Variants in ROBO2 observed in about 807,000 individuals in gnomAD.
ROBO2 encodes roundabout guidance receptor 2.
Under a neutral mutation model 160.8 loss-of-function variants are expected in ROBO2, and 53 were observed. That is an observed-to-expected ratio of 0.33 (90% CI 0.26 to 0.41). The LOEUF (loss-of-function observed/expected upper bound fraction) is 0.41. ROBO2 is among the 10% of genes least tolerant of loss of function. ROBO2 has a pLI of 1.00. For missense variants in ROBO2, 1,577 were observed against 1,722.4 expected, an observed-to-expected ratio of 0.92 and a Z score of 1.49; for synonymous variants, 664 against 611.7, an observed-to-expected ratio of 1.09 and a Z score of -1.26.
At chr3:76,237,177 A>C (rs1704996996) in intron 2 of ROBO2, among the ~76,000 whole-genome samples, 1 of 152,138 alleles carries the variant, frequency 6.6e-6, no homozygotes, top group Admixed American at 6.5e-5. Context: ...AAGTAAATGA[A>C]ATTTTCCATA....
At position 76,096,813 on chromosome 3, in the gene ROBO2, A is replaced by G. The variant is rs72894541; in HGVS notation, c.109+159211A>G. Among the ~76,000 whole-genome samples the G allele has an allele frequency of 7.3e-3, 1,115 of 152,300 alleles. 14 individuals carry two copies. Among genetic ancestry groups the G allele is most frequent in the African/African-American group, 0.026 (1,083 of 41,576 alleles). ...TACAACAATGTAACTATGTAACCAC[A>G]ATATTGTAGAGACGAGTTAATGAAC... On this transcript the variant is annotated intron_variant, in intron 2 of 26. Coordinates refer to the ROBO2 transcript ENST00000487694.
At chr3:77,010,165 C>T (rs778312813) in intron 2 of ROBO2, among the ~76,000 whole-genome samples, 1 of 151,912 alleles carries the variant, frequency 6.6e-6, no homozygotes, top group Non-Finnish European at 1.5e-5. Context: ...TTCAGAAACA[C>T]GGAGGATTGC....
intron 2 of ROBO2, among the ~76,000 whole-genome samples, chr3:76,851,741 CAAAA>C (rs71104629): frequency 0.021 from 1,316 of 63,250 alleles, 39 homozygotes; most frequent in African/African-American, 0.076. Context: ...GACTCCGTCT[CAAAA>C]AAAAAAAAAA....
At chr3:76,848,058 C>T (rs1307255337) in intron 2 of ROBO2, among the ~76,000 whole-genome samples, 3 of 152,144 alleles carry the variant, frequency 2.0e-5, no homozygotes, top group Non-Finnish European at 4.4e-5. Context: ...TCATTACTTT[C>T]TCATGCTGTA....
intron 2 of ROBO2, among the ~76,000 whole-genome samples, chr3:76,244,960 GGTTCT>G (rs1264920734): frequency 6.6e-6 from 1 of 152,056 alleles, no homozygotes; most frequent in East Asian, 1.9e-4. Flanking sequence ...ACACAAAATA[GGTTCT>G]GTTTCAACAA....
At chr3:77,000,362 C>A (rs369186145) in intron 2 of ROBO2, among the ~76,000 whole-genome samples, 1 of 152,156 alleles carries the variant, frequency 6.6e-6, no homozygotes, top group East Asian at 1.9e-4. Context: ...CCACACCCTG[C>A]CTCCAGAGCT....
At chr3:76,818,176 A>G (rs949708296) in intron 2 of ROBO2, among the ~76,000 whole-genome samples, 1 of 151,876 alleles carries the variant, frequency 6.6e-6, no homozygotes, top group South Asian at 2.1e-4. Flanking sequence ...TTTTTTGATT[A>G]TGGCCATTCT....
exon 4 of ROBO2, chr3:77,481,213 G>C: frequency 6.5e-7 from 1 of 1,534,934 alleles, no homozygotes. Context: ...AGAGCTGACT[G>C]TCTTTGGTAA....
chr3:77,063,270 G>A (rs1008663074), intron 1 of ROBO2, among the ~76,000 whole-genome samples: 3 of 152,168 alleles, frequency 2.0e-5, no homozygotes, highest in Non-Finnish European at 4.4e-5. Context: ...GGAGAGGAGT[G>A]TACGTGTCTG....
intron 2 of ROBO2, among the ~76,000 whole-genome samples, chr3:76,520,644 G>A (rs1323813021): frequency 6.6e-6 from 1 of 151,976 alleles, no homozygotes; most frequent in Non-Finnish European, 1.5e-5. Context: ...TTTTAGTCCT[G>A]GTCTATACCA....
chr3:76,499,437 TTCA>T (rs2080340316), intron 2 of ROBO2, among the ~76,000 whole-genome samples: 1 of 152,170 alleles, frequency 6.6e-6, no homozygotes, highest in Admixed American at 6.5e-5. Context: ...ACCTCTATTC[TTCA>T]TCATCTGGAG....
chr3:77,178,996 T>A (rs2080428539), intron 2 of ROBO2, among the ~76,000 whole-genome samples: 1 of 152,028 alleles, frequency 6.6e-6, no homozygotes, highest in Non-Finnish European at 1.5e-5. Flanking sequence ...TTTGATGTAT[T>A]TAGTGAATCT....
At chr3:76,476,782 C>T (rs2107219634) in intron 2 of ROBO2, among the ~76,000 whole-genome samples, 1 of 152,172 alleles carries the variant, frequency 6.6e-6, no homozygotes, top group East Asian at 1.9e-4. Context: ...GCCACGTTCC[C>T]ATGGTATCTT....
chr3:76,914,210 A>C (rs2076172924), intron 2 of ROBO2, among the ~76,000 whole-genome samples: 1 of 152,208 alleles, frequency 6.6e-6, no homozygotes, highest in Non-Finnish European at 1.5e-5. Flanking sequence ...CCTCAGTTGC[A>C]TGGAGAGGGT....
At chr3:76,893,934 G>A (rs113700917) in intron 2 of ROBO2, among the ~76,000 whole-genome samples, 2,473 of 151,940 alleles carry the variant, frequency 0.016, 28 homozygotes, top group African/African-American at 0.028. Flanking sequence ...TTTGTCTTTT[G>A]TTTTTATAAA....
intron 2 of ROBO2, among the ~76,000 whole-genome samples, chr3:76,272,734 A>C (rs1208341370): frequency 1.0e-5 from 1 of 100,426 alleles, no homozygotes; most frequent in Non-Finnish European, 1.8e-5. Flanking sequence ...ACATATAAAT[A>C]TATATATTCT....
intron 2 of ROBO2, among the ~76,000 whole-genome samples, chr3:76,363,319 T>C (rs2075631778): frequency 6.6e-6 from 1 of 151,994 alleles, no homozygotes; most frequent in Non-Finnish European, 1.5e-5. Flanking sequence ...TTTTTGCAAT[T>C]CATCAGAAGA....
intron 1 of ROBO2, among the ~76,000 whole-genome samples, chr3:75,933,055 T>C (rs538534691): frequency 6.6e-6 from 1 of 152,166 alleles, no homozygotes; most frequent in Non-Finnish European, 1.5e-5. Flanking sequence ...CCTGTGAGAA[T>C]TTACTAAGGT....
intron 2 of ROBO2, among the ~76,000 whole-genome samples, chr3:76,020,614 C>T (rs1024375751): frequency 6.6e-6 from 1 of 151,766 alleles, no homozygotes; most frequent in African/African-American, 2.4e-5. Context: ...AAAATCAAAT[C>T]ACCTGCTATT....
Sources: allele counts gnomAD v4.1 joint callset (sites outside exome capture counted in the v4.1 genomes callset), GRCh38; gene constraint gnomAD v4.1.1; transcripts MANE v1.5; gene names NCBI Gene and HGNC (gene_info 2026-07-23, HGNC 2026-07-21).